LSAMP: variants seen among roughly 807,000 people sequenced by gnomAD.
LSAMP encodes limbic system-associated membrane protein.
Under a neutral mutation model 38.6 loss-of-function variants are expected in LSAMP, and 7 were observed. The ratio of observed to expected loss-of-function variants is 0.18; its 90% CI spans 0.10 to 0.34. The LOEUF is 0.34. LSAMP is among the 10% of genes least tolerant of loss of function. The probability of loss-of-function intolerance (pLI) is 1.00; values close to 1 mark genes in which losing one functional copy is unlikely to be tolerated. For synonymous variants in LSAMP, 154 were observed against 166.8 expected (o/e 0.92, Z 0.59); for missense variants, 313 against 420.0 (o/e 0.75, Z 2.23).
chr3:115,996,340 C>G (rs1939814690), intron 3 of LSAMP, among the ~76,000 whole-genome samples: 1 of 152,076 alleles, frequency 6.6e-6, no homozygotes, highest in African/African-American at 2.4e-5. Context: ...AGTTCTACTT[C>G]TGGGCTGACA....
chr3:115,914,479 G>A (rs567925559), intron 3 of LSAMP, among the ~76,000 whole-genome samples: 2 of 152,252 alleles, frequency 1.3e-5, no homozygotes, highest in East Asian at 1.9e-4. Context: ...CACTGACTGT[G>A]CTTTCCACCC....
chr3:116,182,682 T>C (rs2107571169), intron 1 of LSAMP, among the ~76,000 whole-genome samples: 1 of 151,962 alleles, frequency 6.6e-6, no homozygotes, highest in South Asian at 2.1e-4. Flanking sequence ...ATCACCTGTT[T>C]TTTTGATATT....
At chr3:116,382,405 C>CA (rs1368097796) in intron 1 of LSAMP, among the ~76,000 whole-genome samples, 1 of 148,624 alleles carries the variant, frequency 6.7e-6, no homozygotes, top group East Asian at 2.0e-4. Context: ...ATCGCAAGGA[C>CA]AAAAAACCAA....
intron 1 of LSAMP, among the ~76,000 whole-genome samples, chr3:116,423,242 A>T (rs942160561): frequency 1.3e-5 from 2 of 152,336 alleles, no homozygotes; most frequent in African/African-American, 2.4e-5. Context: ...TTGCAACAGA[A>T]GGAAAATGGT....
intron 1 of LSAMP, among the ~76,000 whole-genome samples, chr3:116,383,708 A>C (rs1461204219): frequency 6.6e-6 from 1 of 151,554 alleles, no homozygotes; most frequent in African/African-American, 2.4e-5. Context: ...GACACACAGG[A>C]TCTCCATGTG....
intron 3 of LSAMP, among the ~76,000 whole-genome samples, chr3:115,911,353 T>A (rs902782980): frequency 2.0e-5 from 3 of 152,150 alleles, no homozygotes; most frequent in South Asian, 2.1e-4. Context: ...CACTTGTGTA[T>A]GGGTTTTCAT....
intron 1 of LSAMP, among the ~76,000 whole-genome samples, chr3:116,147,036 TC>T (rs1297520366): frequency 6.6e-6 from 1 of 151,932 alleles, no homozygotes; most frequent in Non-Finnish European, 1.5e-5. Flanking sequence ...TGGATCATCA[TC>T]TTCCTTAATT....
At chr3:115,914,959 A>C (rs1005304251) in intron 3 of LSAMP, among the ~76,000 whole-genome samples, 1 of 152,248 alleles carries the variant, frequency 6.6e-6, no homozygotes, top group Non-Finnish European at 1.5e-5. Flanking sequence ...GGGTGCAAGA[A>C]TAATCACATT....
intron 1 of LSAMP, among the ~76,000 whole-genome samples, chr3:116,407,455 C>T (rs2048911627): frequency 6.6e-6 from 1 of 151,988 alleles, no homozygotes; most frequent in Non-Finnish European, 1.5e-5. Context: ...TAAGGAACCC[C>T]TATGCCATTC....
rs2048646031 is a variant in LSAMP at position 116,387,966 on chromosome 3, T to C, written c.155+56911A>G. On this transcript the variant is annotated intron_variant, in intron 1 of 6. Coordinates refer to ENST00000490035, the MANE Select transcript of LSAMP (RefSeq NM_002338.5). Reference sequence around the variant, plus strand: ...AAAGAAAAAAAAAATGAGTTGGGTGTGGTGGTGGGTGCCTGTAGTCCCAGC... The same window carrying C: ...AAAGAAAAAAAAAATGAGTTGGGTGCGGTGGTGGGTGCCTGTAGTCCCAGC... 4.6e-5 allele frequency among the ~76,000 whole-genome samples: 7 copies of C among 151,648 alleles called. No homozygotes were observed. The East Asian group carries it at 9.7e-4, about 21-fold the overall frequency.
At chr3:116,434,911 C>T (rs2049328255) in intron 1 of LSAMP, among the ~76,000 whole-genome samples, 1 of 152,090 alleles carries the variant, frequency 6.6e-6, no homozygotes, top group African/African-American at 2.4e-5. Context: ...TAGATGAATA[C>T]TGGAAAACAA....
At chr3:115,845,318 T>C (rs781144842) in intron 4 of LSAMP, among the ~76,000 whole-genome samples, 3 of 152,238 alleles carry the variant, frequency 2.0e-5, no homozygotes, top group Non-Finnish European at 4.4e-5. Context: ...ATAATTTTGC[T>C]TATGAATTTT....
intron 1 of LSAMP, among the ~76,000 whole-genome samples, chr3:116,374,212 T>G (rs923031253): frequency 6.6e-6 from 1 of 151,886 alleles, no homozygotes; most frequent in Non-Finnish European, 1.5e-5. Context: ...CACTGAAAAT[T>G]TCTTTATTCT....
At chr3:116,256,130 G>C (rs1283549273) in intron 1 of LSAMP, among the ~76,000 whole-genome samples, 1 of 152,190 alleles carries the variant, frequency 6.6e-6, no homozygotes, top group African/African-American at 2.4e-5. Flanking sequence ...CTTTTTATCA[G>C]CGATTAGCAA....
intron 1 of LSAMP, among the ~76,000 whole-genome samples, chr3:116,188,298 C>A (rs1277641755): frequency 1.3e-5 from 2 of 152,066 alleles, no homozygotes; most frequent in Non-Finnish European, 2.9e-5. Context: ...TCCAGGGAGA[C>A]CCCCCAGGAA....
chr3:116,042,945 T>C (rs1358650593), intron 2 of LSAMP, among the ~76,000 whole-genome samples: 2 of 152,192 alleles, frequency 1.3e-5, no homozygotes, highest in Non-Finnish European at 2.9e-5. Flanking sequence ...TATCGCTCAA[T>C]CTATCCCTGA....
At chr3:116,117,989 G>C (rs1347230580) in intron 1 of LSAMP, among the ~76,000 whole-genome samples, 2 of 151,750 alleles carry the variant, frequency 1.3e-5, no homozygotes, top group Non-Finnish European at 1.5e-5. Context: ...TCTCAAGAAA[G>C]AGTCTTACAA....
intron 1 of LSAMP, among the ~76,000 whole-genome samples, chr3:116,281,316 A>G (rs2047123623): frequency 6.6e-6 from 1 of 152,214 alleles, no homozygotes; most frequent in Non-Finnish European, 1.5e-5. Context: ...CTGGGCTGAC[A>G]TCTTGCTGTT....
intron 1 of LSAMP, among the ~76,000 whole-genome samples, chr3:116,164,179 C>T (rs1007384904): frequency 3.3e-5 from 5 of 152,064 alleles, no homozygotes; most frequent in South Asian, 4.1e-4. Context: ...TCTTAAATTC[C>T]TGTCCTATTT....
Sources: allele counts gnomAD v4.1 joint callset (sites outside exome capture counted in the v4.1 genomes callset), GRCh38; gene constraint gnomAD v4.1.1; transcripts MANE v1.5; gene names NCBI Gene and HGNC (gene_info 2026-07-23, HGNC 2026-07-21).